Variants in MALRD1 observed in about 807,000 individuals in gnomAD.
MALRD1 encodes MAM and LDL receptor class A domain containing 1.
Under a neutral mutation model 242.1 loss-of-function variants are expected in MALRD1, and 247 were observed. The observed-to-expected ratio is 1.02, with a 90% CI of 0.92 to 1.13. The LOEUF is 1.13. Ranked by LOEUF, MALRD1 falls within the 50% of genes most tolerant of loss-of-function variation. The pLI, the probability that MALRD1 is intolerant of heterozygous loss-of-function variation, is 0.00. For synonymous variants in MALRD1, 995 were observed against 866.6 expected (o/e 1.15, Z -2.60); for missense variants, 2,989 against 2,533.1 (o/e 1.18, Z -3.86).
chr10:19,452,656 C>T (rs1444832935), intron 29 of MALRD1, among the ~76,000 whole-genome samples: 1 of 152,128 alleles, frequency 6.6e-6, no homozygotes, highest in East Asian at 1.9e-4. Context: ...AAACAACATT[C>T]TTTTTAATCA....
intron 29 of MALRD1, among the ~76,000 whole-genome samples, chr10:19,471,056 A>G (rs1474549670): frequency 6.6e-6 from 1 of 151,448 alleles, no homozygotes; most frequent in African/African-American, 2.4e-5. Flanking sequence ...TTTTTTTAGG[A>G]GTTTTGCCAT....
chr10:19,464,542 G>A (rs1441330959), intron 29 of MALRD1, among the ~76,000 whole-genome samples: 1 of 152,010 alleles, frequency 6.6e-6, no homozygotes, highest in African/African-American at 2.4e-5. Context: ...TTTATTTATT[G>A]GTTCTCTATT....
chr10:19,539,981 G>T (rs906132769), intron 32 of MALRD1, among the ~76,000 whole-genome samples: 2 of 151,294 alleles, frequency 1.3e-5, no homozygotes, highest in Non-Finnish European at 2.9e-5. Flanking sequence ...GAGCTCAAGT[G>T]ATCTGCCCAC....
chr10:19,158,709 C>A (rs552696613), intron 12 of MALRD1, among the ~76,000 whole-genome samples: 136 of 152,286 alleles, frequency 8.9e-4, no homozygotes, highest in African/African-American at 3.1e-3. Flanking sequence ...ACAACCTAAA[C>A]ACATGCTTGC....
intron 21 of MALRD1, among the ~76,000 whole-genome samples, chr10:19,284,155 A>G (rs953286192): frequency 4.6e-5 from 7 of 152,174 alleles, no homozygotes; most frequent in African/African-American, 1.7e-4. Flanking sequence ...TTTATTGACT[A>G]TTAAGGCTTT....
chr10:19,519,595 C>A (rs1374685657), intron 31 of MALRD1, among the ~76,000 whole-genome samples: 1 of 151,902 alleles, frequency 6.6e-6, no homozygotes, highest in Admixed American at 6.6e-5. Flanking sequence ...ATAGTGAGAC[C>A]CTGTTGCTAC....
intron 28 of MALRD1, among the ~76,000 whole-genome samples, chr10:19,431,195 C>A (rs897566677): frequency 6.6e-6 from 1 of 152,170 alleles, no homozygotes; most frequent in African/African-American, 2.4e-5. Flanking sequence ...TTTTATCCCA[C>A]TTAATTCCCA....
chr10:19,216,554 T>A (rs1379149569), intron 18 of MALRD1, among the ~76,000 whole-genome samples: 1 of 152,194 alleles, frequency 6.6e-6, no homozygotes, highest in African/African-American at 2.4e-5. Flanking sequence ...TCAGATGTTA[T>A]CATAGTGTGT....
rs192437230 is a variant in MALRD1 at position 19,054,314 on chromosome 10, T to C, written c.199+5177T>C. Among the ~76,000 whole-genome samples the C allele has an allele frequency of 4.3e-3, 653 of 152,302 alleles. 6 individuals are homozygous for C. The highest frequency in any genetic ancestry group is 0.015 in the African/African-American group (617 of 41,562). ...GGGGTACACAGTCATAATATAAGTA[T>C]ATAATGTGGAATGATTAAATCAAGC... On this transcript the variant is annotated intron_variant, in intron 1 of 39. Coordinates refer to ENST00000454679, the MANE Select transcript of MALRD1 (RefSeq NM_001142308.3).
At chr10:19,251,712 A>G (rs975993889) in intron 18 of MALRD1, among the ~76,000 whole-genome samples, 3 of 152,030 alleles carry the variant, frequency 2.0e-5, no homozygotes, top group South Asian at 2.1e-4. Flanking sequence ...GACATGGGAC[A>G]TGAATTGAAA....
chr10:19,305,768 T>C (rs970530159), intron 21 of MALRD1, among the ~76,000 whole-genome samples: 4 of 143,844 alleles, frequency 2.8e-5, no homozygotes, highest in Admixed American at 7.3e-5. Flanking sequence ...AGTATATATA[T>C]ACACTATACT....
At chr10:19,174,894 A>T (rs1264486002) in intron 13 of MALRD1, among the ~76,000 whole-genome samples, 1 of 152,126 alleles carries the variant, frequency 6.6e-6, no homozygotes, top group African/African-American at 2.4e-5. Context: ...CACACAGTTG[A>T]TTACCCCAAA....
intron 29 of MALRD1, among the ~76,000 whole-genome samples, chr10:19,478,519 C>T (rs565829092): frequency 2.6e-5 from 4 of 152,112 alleles, no homozygotes; most frequent in East Asian, 3.9e-4. Context: ...AAATTCAGCA[C>T]GTGAAAAGGT....
chr10:19,171,903 CA>C (rs1221126491), intron 13 of MALRD1, among the ~76,000 whole-genome samples: 3 of 134,636 alleles, frequency 2.2e-5, no homozygotes, highest in Non-Finnish European at 3.2e-5. Flanking sequence ...ATATATATCA[CA>C]TAATATATGA....
chr10:19,115,679 C>T, intron 5 of MALRD1, among the ~76,000 whole-genome samples: 1 of 151,826 alleles, frequency 6.6e-6, no homozygotes, highest in East Asian at 1.9e-4. Flanking sequence ...AGTTCGAGAC[C>T]AACCTGGGCA....
intron 29 of MALRD1, among the ~76,000 whole-genome samples, chr10:19,490,103 T>G (rs997394702): frequency 6.6e-6 from 1 of 152,150 alleles, no homozygotes; most frequent in Non-Finnish European, 1.5e-5. Flanking sequence ...TAAAAAAGAA[T>G]TACAATATAT....
chr10:19,138,089 G>C (rs1833413052), intron 10 of MALRD1, among the ~76,000 whole-genome samples: 1 of 152,148 alleles, frequency 6.6e-6, no homozygotes, highest in South Asian at 2.1e-4. Context: ...AGGGACACAG[G>C]AGAGAGGAGA....
At chr10:19,619,170 A>G (rs770278852) in intron 36 of MALRD1, among the ~76,000 whole-genome samples, 1 of 151,746 alleles carries the variant, frequency 6.6e-6, no homozygotes, top group Non-Finnish European at 1.5e-5. Context: ...AGCTTTGGAT[A>G]AACTGATCCT....
At chr10:19,097,353 C>T in intron 4 of MALRD1, among the ~76,000 whole-genome samples, 1 of 152,036 alleles carries the variant, frequency 6.6e-6, no homozygotes, top group East Asian at 1.9e-4. Context: ...AAAAAAAAGC[C>T]CAACCTCTAG....
Sources: gnomAD v4.1 joint callset for allele counts (sites outside exome capture counted in the v4.1 genomes callset) on GRCh38, gnomAD v4.1.1 for gene constraint, MANE v1.5 for transcripts, NCBI Gene and HGNC (gene_info 2026-07-23, HGNC 2026-07-21) for gene names.